Variants in PTPRT observed in about 807,000 individuals in gnomAD.
PTPRT encodes the protein receptor-type tyrosine-protein phosphatase T.
PTPRT carries 56 observed loss-of-function variants against 176.8 expected under a neutral mutation model. That is an observed-to-expected ratio of 0.32 (90% CI 0.26 to 0.40). The LOEUF is 0.40. PTPRT is among the 10% of genes least tolerant of loss of function. PTPRT has a pLI of 1.00. For missense variants in PTPRT, 1,540 were observed against 1,908.2 expected, an observed-to-expected ratio of 0.81 and a Z score of 3.60; for synonymous variants, 783 against 739.0, an observed-to-expected ratio of 1.06 and a Z score of -0.96.
At chr20:42,211,624 C>A (rs372451039) in intron 15 of PTPRT, among the ~76,000 whole-genome samples, 50 of 144,918 alleles carry the variant, frequency 3.5e-4, no homozygotes, top group African/African-American at 9.9e-4. Context: ...TTAGAATGGC[C>A]ATCATTAAAA....
chr20:42,899,582 C>T (rs983867197), intron 1 of PTPRT, among the ~76,000 whole-genome samples: 2 of 152,212 alleles, frequency 1.3e-5, no homozygotes, highest in African/African-American at 4.8e-5. Flanking sequence ...GCTTTAGTTA[C>T]ATTCTAAAAT....
At chr20:42,959,970 GAAC>G (rs138434701) in intron 1 of PTPRT, among the ~76,000 whole-genome samples, 67 of 152,226 alleles carry the variant, frequency 4.4e-4, no homozygotes, top group Non-Finnish European at 7.4e-4. Flanking sequence ...CAGGTTCCTA[GAAC>G]AACATCACTC....
chr20:42,440,850 GA>G (rs1435123224), intron 9 of PTPRT, among the ~76,000 whole-genome samples: 1 of 152,200 alleles, frequency 6.6e-6, no homozygotes, highest in Non-Finnish European at 1.5e-5. Flanking sequence ...GTTCCAGTCT[GA>G]AAGGCATCGG....
chr20:43,090,336 C>T (rs529021947), intron 1 of PTPRT, among the ~76,000 whole-genome samples: 23 of 151,088 alleles, frequency 1.5e-4, no homozygotes, highest in African/African-American at 5.4e-4. Flanking sequence ...GGCGCCATCT[C>T]AGCTCACTGC....
intron 13 of PTPRT, among the ~76,000 whole-genome samples, chr20:42,261,165 G>A (rs2056741623): frequency 6.6e-6 from 1 of 152,146 alleles, no homozygotes; most frequent in Non-Finnish European, 1.5e-5. Flanking sequence ...TGGTCCTTCT[G>A]AGACTGTGGC....
chr20:42,053,531 C>T, the PTPRT span, among the ~76,000 whole-genome samples: 7 of 152,178 alleles, frequency 4.6e-5, no homozygotes, highest in Non-Finnish European at 1.0e-4. Flanking sequence ...TTTTAAATTG[C>T]CTGTTATTTA....
chr20:42,670,824 C>T (rs1157016456), intron 7 of PTPRT, among the ~76,000 whole-genome samples: 1 of 152,046 alleles, frequency 6.6e-6, no homozygotes, highest in Non-Finnish European at 1.5e-5. Context: ...CTGGGGTCTG[C>T]GTCAAGCGAA....
intron 6 of PTPRT, among the ~76,000 whole-genome samples, chr20:42,728,897 C>T (rs1381969543): frequency 6.6e-6 from 1 of 152,130 alleles, no homozygotes; most frequent in Non-Finnish European, 1.5e-5. Context: ...TTAGCAGGTA[C>T]CTACATATGT....
intron 13 of PTPRT, among the ~76,000 whole-genome samples, chr20:42,280,050 T>C (rs2057113341): frequency 6.6e-6 from 1 of 152,156 alleles, no homozygotes; most frequent in African/African-American, 2.4e-5. Flanking sequence ...CGTGGGATTC[T>C]CAGTATCTTC....
At chr20:42,943,194 C>T (rs1980675676) in intron 1 of PTPRT, among the ~76,000 whole-genome samples, 1 of 152,186 alleles carries the variant, frequency 6.6e-6, no homozygotes, top group Admixed American at 6.5e-5. Context: ...AGTTGCCTGG[C>T]TGCCAAAAAG....
chr20:42,375,568 T>A (rs571868318), intron 9 of PTPRT, among the ~76,000 whole-genome samples: 1 of 152,306 alleles, frequency 6.6e-6, no homozygotes, highest in East Asian at 1.9e-4. Context: ...CCCCCCTGGA[T>A]CCGGGCTTCC....
At chr20:42,436,869 C>A (rs1290380708) in intron 9 of PTPRT, among the ~76,000 whole-genome samples, 1 of 152,198 alleles carries the variant, frequency 6.6e-6, no homozygotes, top group Admixed American at 6.5e-5. Flanking sequence ...TACAGCTGCA[C>A]TCATCCGTGG....
intron 7 of PTPRT, among the ~76,000 whole-genome samples, chr20:42,584,281 G>A (rs1223582720): frequency 6.6e-6 from 1 of 152,070 alleles, no homozygotes; most frequent in African/African-American, 2.4e-5. Context: ...AAATCTCTAC[G>A]TGATCTCCCA....
At chr20:42,270,372 A>G in intron 13 of PTPRT, 1 of 759,772 alleles carries the variant, frequency 1.3e-6, no homozygotes, top group South Asian at 1.4e-5. Flanking sequence ...CTCCCCTCCC[A>G]CCCGCCCAGG....
At chr20:42,250,874 CA>C (rs1445238263) in intron 13 of PTPRT, among the ~76,000 whole-genome samples, 2 of 152,186 alleles carry the variant, frequency 1.3e-5, no homozygotes, top group Non-Finnish European at 2.9e-5. Flanking sequence ...AAGCTAATGG[CA>C]AAACCAACTC....
intron 17 of PTPRT, among the ~76,000 whole-genome samples, chr20:42,159,970 G>A (rs550773363): frequency 3.9e-5 from 6 of 152,204 alleles, no homozygotes; most frequent in South Asian, 2.1e-4. Context: ...GACCTCATAC[G>A]ACTTCAGAAA....
At chr20:43,075,413 G>T (rs1239864292) in intron 1 of PTPRT, among the ~76,000 whole-genome samples, 1 of 152,266 alleles carries the variant, frequency 6.6e-6, no homozygotes, top group Non-Finnish European at 1.5e-5. Context: ...GGCACGCGCT[G>T]GATGGCAGTT....
chr20:42,802,246 C>T (rs184252844), intron 2 of PTPRT, among the ~76,000 whole-genome samples: 1 of 152,324 alleles, frequency 6.6e-6, no homozygotes. Flanking sequence ...CTCTAATTCC[C>T]CAGCCCTGAT....
intron 1 of PTPRT, among the ~76,000 whole-genome samples, chr20:43,061,629 G>C (rs1489134155): frequency 2.0e-5 from 3 of 152,164 alleles, no homozygotes. Flanking sequence ...AATATCTACT[G>C]AGCACTTACT....
Sources: gnomAD v4.1 joint callset for allele counts (sites outside exome capture counted in the v4.1 genomes callset) on GRCh38, gnomAD v4.1.1 for gene constraint, MANE v1.5 for transcripts, NCBI Gene and HGNC (gene_info 2026-07-23, HGNC 2026-07-21) for gene names.